ANK2: variants seen among roughly 807,000 people sequenced by gnomAD.
ANK2 encodes the protein ankyrin-2.
Under a neutral mutation model 360.5 loss-of-function variants are expected in ANK2, and 83 were observed. That is an observed-to-expected ratio of 0.23 (90% CI 0.19 to 0.28). The LOEUF (loss-of-function observed/expected upper bound fraction) is 0.28, where lower values mean the gene tolerates loss of function less well. Among genes scored for constraint, ANK2 ranks in the 10% least tolerant of loss-of-function variants. ANK2 has a pLI of 1.00. For missense variants in ANK2, 4,201 were observed against 4,795.7 expected, an observed-to-expected ratio of 0.88 and a Z score of 3.66; for synonymous variants, 1,740 against 1,759.5, an observed-to-expected ratio of 0.99 and a Z score of 0.28.
chr4:112,969,825 T>A (rs987831670), intron 2 of ANK2, among the ~76,000 whole-genome samples: 2 of 152,224 alleles, frequency 1.3e-5, no homozygotes, highest in Non-Finnish European at 2.9e-5. Flanking sequence ...ATATGTATTA[T>A]ATTTTCTCAT....
At chr4:113,219,028 T>G (rs2099119216) in intron 4 of ANK2, among the ~76,000 whole-genome samples, 1 of 152,166 alleles carries the variant, frequency 6.6e-6, no homozygotes, top group Non-Finnish European at 1.5e-5. Flanking sequence ...CTATACAAAG[T>G]AGTCAGCATT....
the ANK2 span, among the ~76,000 whole-genome samples, chr4:112,717,443 CTCTT>C: frequency 1.3e-5 from 2 of 152,144 alleles, no homozygotes; most frequent in Non-Finnish European, 2.9e-5. Context: ...ATCAAATAAA[CTCTT>C]TCTGAGACTG....
intron 1 of ANK2, among the ~76,000 whole-genome samples, chr4:112,883,861 TA>T (rs1425594389): frequency 7.0e-6 from 1 of 141,956 alleles, no homozygotes; most frequent in African/African-American, 2.8e-5. Context: ...CATTCATTCA[TA>T]TATATATGTA....
At chr4:113,178,330 G>A (rs1327708990) in intron 2 of ANK2, among the ~76,000 whole-genome samples, 1 of 152,162 alleles carries the variant, frequency 6.6e-6, no homozygotes, top group African/African-American at 2.4e-5. Flanking sequence ...CACTTTGGGA[G>A]GCCAGGAGGT....
At chr4:112,789,507 T>C in the ANK2 span, among the ~76,000 whole-genome samples, 2 of 152,324 alleles carry the variant, frequency 1.3e-5, no homozygotes, top group South Asian at 4.1e-4. Flanking sequence ...AAGAATTTTT[T>C]AACAGGCTGT....
intron 40 of ANK2, among the ~76,000 whole-genome samples, chr4:113,364,562 A>C (rs1219378825): frequency 6.6e-6 from 1 of 152,218 alleles, no homozygotes; most frequent in African/African-American, 2.4e-5. Flanking sequence ...CTGGTAGTGC[A>C]TTACCTTCTG....
intron 1 of ANK2, among the ~76,000 whole-genome samples, chr4:113,157,859 C>G (rs13107082): frequency 0.69 from 104,240 of 152,060 alleles, 36,284 homozygotes; most frequent in African/African-American, 0.8. Context: ...ACAGATGAAT[C>G]ATTTAACCTT....
At chr4:113,267,973 G>A (rs144586411) in intron 14 of ANK2, among the ~76,000 whole-genome samples, 650 of 152,274 alleles carry the variant, frequency 4.3e-3, no homozygotes, top group Non-Finnish European at 6.5e-3. Context: ...CACATCCCTT[G>A]TAAGTTGTAT....
At chr4:112,854,247 A>G (rs1235289453) in intron 1 of ANK2, among the ~76,000 whole-genome samples, 1 of 151,786 alleles carries the variant, frequency 6.6e-6, no homozygotes, top group Non-Finnish European at 1.5e-5. Flanking sequence ...TGTAGATTAT[A>G]GGATTGAAGG....
At chr4:113,035,117 T>C (rs2061308285) in intron 2 of ANK2, among the ~76,000 whole-genome samples, 1 of 151,792 alleles carries the variant, frequency 6.6e-6, no homozygotes, top group South Asian at 2.1e-4. Flanking sequence ...AAATAACAGA[T>C]ACCAAGAGTG....
At chr4:112,900,147 C>T (rs2082885530) in intron 1 of ANK2, among the ~76,000 whole-genome samples, 1 of 152,134 alleles carries the variant, frequency 6.6e-6, no homozygotes, top group African/African-American at 2.4e-5. Flanking sequence ...TTCCACCCCA[C>T]ATTTTTTTGG....
chr4:113,027,716 A>T (rs1208694881), intron 2 of ANK2, among the ~76,000 whole-genome samples: 1 of 152,156 alleles, frequency 6.6e-6, no homozygotes, highest in African/African-American at 2.4e-5. Context: ...TTATTTGCAG[A>T]AAATTAAACG....
At chr4:113,229,219 T>C (rs1053898921) in intron 4 of ANK2, among the ~76,000 whole-genome samples, 7 of 152,242 alleles carry the variant, frequency 4.6e-5, no homozygotes, top group African/African-American at 1.7e-4. Context: ...GAAATTAGTC[T>C]TACAGAACTA....
At chr4:113,005,311 A>G (rs960633629) in intron 2 of ANK2, among the ~76,000 whole-genome samples, 1 of 152,226 alleles carries the variant, frequency 6.6e-6, no homozygotes, top group African/African-American at 2.4e-5. Flanking sequence ...AGCACTATTC[A>G]CAATAGCAAA....
At chr4:112,841,635 A>G (rs1345377516) in intron 1 of ANK2, among the ~76,000 whole-genome samples, 1 of 152,236 alleles carries the variant, frequency 6.6e-6, no homozygotes, top group African/African-American at 2.4e-5. Context: ...ATGGCCTGAC[A>G]AATTGGGCTT....
intron 36 of ANK2, among the ~76,000 whole-genome samples, chr4:113,348,658 A>G (rs539870102): frequency 5.9e-5 from 9 of 152,212 alleles, no homozygotes; most frequent in Non-Finnish European, 1.0e-4. Context: ...TTTTAATTAA[A>G]TGTCTTAGTA....
chr4:113,353,025 G>A lies in ANK2; in HGVS notation c.4427-20G>A, dbSNP rs761294361. On this transcript the variant is annotated intron_variant, in intron 37 of 45. Transcript: ENST00000357077. ...TTTTGATTTCCATTTTACTTTCAAT[G>A]TTTTTCATTCACATCAAAGATGATG... is the stretch of plus-strand genomic sequence containing the variant. 1.2e-6 allele frequency: 2 copies of A among 1,610,166 alleles called. No homozygotes were observed. The highest frequency in any genetic ancestry group is 1.1e-5 in the South Asian group (1 of 90,962).
Position 113,354,564 on chromosome 4 carries a change from G to A in ANK2, c.5946G>A (p.Glu1982=). 1 of 1,614,126 alleles carries A rather than the reference G, an allele frequency of 6.2e-7. No individual in the cohort carries two copies. The highest frequency in any genetic ancestry group is 8.5e-7 in the Non-Finnish European group (1 of 1,180,002). ...CTGTATCCCCCACTTCAAAAACAGAGAGGATTGAGGAAACCATGTCTGTTC... is the reference window on the plus strand; with the variant it reads ...CTGTATCCCCCACTTCAAAAACAGAAAGGATTGAGGAAACCATGTCTGTTC... ...QPPVSPTSKT[E]RIEETMSVRE... Residue 1982 remains glutamate (E), a synonymous_variant, in exon 38 of 46, where the codon GAG becomes GAA. Transcript: ENST00000357077.
the ANK2 span, among the ~76,000 whole-genome samples, chr4:112,795,057 C>T: frequency 1.3e-5 from 2 of 152,172 alleles, no homozygotes; most frequent in Admixed American, 6.5e-5. Context: ...CTCTCTCTCC[C>T]CTACAAATCT....
Sources: gnomAD v4.1 joint callset for allele counts (sites outside exome capture counted in the v4.1 genomes callset) on GRCh38, gnomAD v4.1.1 for gene constraint, MANE v1.5 for transcripts, NCBI Gene and HGNC (gene_info 2026-07-23, HGNC 2026-07-21) for gene names.